The following TMEM184B variants were observed in gnomAD, a reference collection of about 807,000 sequenced individuals.
TMEM184B encodes transmembrane protein 184B.
TMEM184B carries 17 observed loss-of-function variants against 41.8 expected under a neutral mutation model. The observed-to-expected ratio is 0.41, with a 90% confidence interval of 0.28 to 0.61. The LOEUF is 0.61. Among genes scored for constraint, TMEM184B ranks in the 20% least tolerant of loss-of-function variants. The probability of loss-of-function intolerance (pLI) is 0.34; values close to 1 mark genes in which losing one functional copy is unlikely to be tolerated. For synonymous variants in TMEM184B, 240 were observed against 229.5 expected (o/e 1.05, Z -0.41); for missense variants, 393 against 557.8 (o/e 0.70, Z 2.98).
At chr22:38,267,466 G>T (rs953895563) in intron 1 of TMEM184B, among the ~76,000 whole-genome samples, 1 of 144,876 alleles carries the variant, frequency 6.9e-6, no homozygotes, top group Non-Finnish European at 1.5e-5. Context: ...ATGGAGTTTC[G>T]CTGTCACCCA....
chr22:38,235,851 T>C (rs2091760073), intron 3 of TMEM184B, among the ~76,000 whole-genome samples: 1 of 152,182 alleles, frequency 6.6e-6, no homozygotes, highest in Non-Finnish European at 1.5e-5. Context: ...GCGGAGAAGC[T>C]GAGACGGGGC....
chr22:38,237,801 C>CTT (rs563345165), intron 3 of TMEM184B, among the ~76,000 whole-genome samples: 2 of 139,518 alleles, frequency 1.4e-5, no homozygotes, highest in South Asian at 2.3e-4. Flanking sequence ...TCCCTACTGT[C>CTT]TTTTTTTTTT....
In TMEM184B at chr22:38,220,427, G is replaced by A. The variant is rs988096804; in HGVS notation, c.*1042C>T. 31 of 985,772 alleles carry A rather than the reference G, an allele frequency of 3.1e-5. No homozygotes were observed. The highest frequency in any genetic ancestry group is 3.5e-5 in the African/African-American group (2 of 57,216). The allele number at this position is 985,772 out of a possible 1,614,324, so 61.1% of individuals were successfully genotyped here. A position where few individuals can be genotyped will look rare whatever the true frequency, so the allele number is the denominator to read the frequency against. ...GGGGCCAGATGGGGTAGAACACCAG[G>A]CCCTGTGTGGATAGGGGCCCCGAGA... On this transcript the variant is annotated 3_prime_UTR_variant, in exon 9 of 9. Coordinates refer to ENST00000361906, the MANE Select transcript of TMEM184B (RefSeq NM_012264.5).
chr22:38,226,734 C>A lies in TMEM184B; in HGVS notation c.617+45G>T. ...TTCCCTGAGCCAAGGCACCAGCCTG[C>A]GCCAACACTCCTCCCACACACCCCG... On this transcript the variant is annotated intron_variant, in intron 6 of 8. Transcript: ENST00000361906. The surrounding 1 kb of genome is among the most constrained non-coding windows in gnomAD (Gnocchi z 4.6). 6.5e-7 allele frequency: 1 copy of A among 1,544,538 alleles called. No individual in the cohort carries two copies. The highest frequency in any genetic ancestry group is 8.8e-7 in the Non-Finnish European group (1 of 1,139,380).
intron 4 of TMEM184B, 96 bp from the exon 5 acceptor site, chr22:38,230,840 C>T (rs758644434): frequency 2.3e-5 from 27 of 1,169,032 alleles, no homozygotes; most frequent in Non-Finnish European, 2.9e-5. Context: ...CCCATCCAGA[C>T]GAGCTGGGGC....
chr22:38,222,555 G>T, intron 8 of TMEM184B: 1 of 981,250 alleles, frequency 1.0e-6, no homozygotes, highest in Non-Finnish European at 1.2e-6. Flanking sequence ...ATGAGGACAC[G>T]GAGAAGAGCT....
intron 1 of TMEM184B, among the ~76,000 whole-genome samples, chr22:38,258,310 T>C (rs1248598399): frequency 6.6e-6 from 1 of 151,916 alleles, no homozygotes; most frequent in Non-Finnish European, 1.5e-5. Context: ...ATTTTTTTTT[T>C]TTTTTTTTTA....
At chr22:38,217,726 G>A (rs2091166634), downstream of TMEM184B, among the ~76,000 whole-genome samples, 1 of 151,042 alleles carries the variant, frequency 6.6e-6, no homozygotes, top group South Asian at 2.1e-4. Flanking sequence ...CTACTCAGGA[G>A]GTTGAGACAA....
In TMEM184B at chr22:38,246,242, A is replaced by C. The variant is rs541762757; in HGVS notation, c.193-142T>G. On this transcript the variant is annotated intron_variant, in intron 2 of 8. Coordinates refer to ENST00000361906, the MANE Select transcript of TMEM184B (RefSeq NM_012264.5). ...CTGAGCCTCAGAGCCCTGCTCTGCA[A>C]AATGCGGGATGACAGGACTTGCCTC... 8.7e-5 allele frequency: 91 copies of C among 1,041,470 alleles called. 1 individual carries two copies. The highest frequency in any genetic ancestry group is 1.3e-4 in the Admixed American group (5 of 37,110). 64.5% of individuals were successfully genotyped at this position (1,041,470 alleles called of 1,614,324 possible). A position where few individuals can be genotyped will look rare whatever the true frequency, so the allele number is the denominator to read the frequency against.
At chr22:38,267,149 A>G (rs1044635121) in intron 1 of TMEM184B, among the ~76,000 whole-genome samples, 1 of 152,100 alleles carries the variant, frequency 6.6e-6, no homozygotes, top group Non-Finnish European at 1.5e-5. Flanking sequence ...CAAAGGTACA[A>G]GACTGAGATC....
At chr22:38,218,047 C>A (rs1395037040), downstream of TMEM184B, among the ~76,000 whole-genome samples, 1 of 152,118 alleles carries the variant, frequency 6.6e-6, no homozygotes, top group Non-Finnish European at 1.5e-5. Flanking sequence ...GAGGAAAAAA[C>A]CCAGATTTCA....
At chr22:38,248,111 C>T (rs760610145) in intron 1 of TMEM184B, 92 bp from the exon 2 acceptor site, 16 of 1,437,392 alleles carry the variant, frequency 1.1e-5, no homozygotes, top group African/African-American at 2.9e-5. Context: ...ACCTCCTGAC[C>T]ATGTCTGTAT....
chr22:38,257,846 T>C (rs1312086089), intron 1 of TMEM184B, among the ~76,000 whole-genome samples: 1 of 152,182 alleles, frequency 6.6e-6, no homozygotes, highest in Non-Finnish European at 1.5e-5. Context: ...CCAAGGAAGT[T>C]TGGAGAGCAG....
At position 38,272,814 on chromosome 22, in the gene TMEM184B, G is replaced by T. The variant is rs547508582; in HGVS notation, c.-59+70C>A. The T allele has an allele frequency of 2.3e-5, 18 of 778,734 alleles. No individual in the cohort carries two copies. The East Asian group carries it at 2.3e-3, about 99-fold the overall frequency. 48.2% of individuals were successfully genotyped at this position (778,734 alleles called of 1,614,324 possible). On this transcript the variant is annotated intron_variant, in intron 1 of 8. Transcript: ENST00000361906. The stretch of plus-strand genomic sequence containing the variant: ...CCTCGCGCGGGCCTCTCCGAAACAA[G>T]CAGCCCCCCGCGCTCGGGAGTCGCA...
chr22:38,270,662 G>A (rs1398643129), intron 1 of TMEM184B, among the ~76,000 whole-genome samples: 1 of 152,302 alleles, frequency 6.6e-6, no homozygotes, highest in Middle Eastern at 3.4e-3. Flanking sequence ...AGCTCTCCCA[G>A]GGGCCCAGCT....
chr22:38,268,747 C>T (rs1344930578), intron 1 of TMEM184B, among the ~76,000 whole-genome samples: 1 of 152,254 alleles, frequency 6.6e-6, no homozygotes, highest in Non-Finnish European at 1.5e-5. Context: ...TAGACAAGTG[C>T]CCGCCCAGGC....
At chr22:38,244,581 T>A (rs2091982980) in intron 3 of TMEM184B, among the ~76,000 whole-genome samples, 1 of 152,080 alleles carries the variant, frequency 6.6e-6, no homozygotes, top group South Asian at 2.1e-4. Context: ...CTCAGCCTCC[T>A]GAGTAGCTGG....
chr22:38,246,728 G>C, intron 2 of TMEM184B: 1 of 1,108,914 alleles, frequency 9.0e-7, no homozygotes, highest in Non-Finnish European at 1.2e-6. Flanking sequence ...TCACCAGGAA[G>C]TTAGGAGAAT....
intron 3 of TMEM184B, among the ~76,000 whole-genome samples, chr22:38,244,857 C>A (rs1482812733): frequency 1.3e-5 from 2 of 152,194 alleles, no homozygotes; most frequent in Non-Finnish European, 2.9e-5. Context: ...ATGCCTGGGA[C>A]CTGCCCAAGA....
Sources: gnomAD v4.1 joint callset for allele counts (sites outside exome capture counted in the v4.1 genomes callset) on GRCh38, gnomAD v4.1.1 for gene constraint, Gnocchi (gnomAD v3.1) non-coding constraint, MANE v1.5 for transcripts, NCBI Gene and HGNC (gene_info 2026-07-23, HGNC 2026-07-21) for gene names.